Variants in ZSWIM5 observed in about 807,000 individuals in gnomAD.
ZSWIM5 encodes zinc finger SWIM-type containing 5.
In ZSWIM5, 55 loss-of-function variants were observed where a neutral mutation model predicts 119.6. That is an observed-to-expected ratio of 0.46 (90% CI 0.37 to 0.58). The LOEUF is 0.58. Among genes scored for constraint, ZSWIM5 ranks in the 20% least tolerant of loss-of-function variants. The pLI is 0.00. For missense variants in ZSWIM5, 1,193 were observed against 1,512.8 expected, an observed-to-expected ratio of 0.79 and a Z score of 3.51; for synonymous variants, 537 against 606.9, an observed-to-expected ratio of 0.88 and a Z score of 1.69.
chr1:45,205,124 C>CT (rs78531701), intron 1 of ZSWIM5, among the ~76,000 whole-genome samples: 173 of 139,280 alleles, frequency 1.2e-3, no homozygotes, highest in Middle Eastern at 7.2e-3. Flanking sequence ...GATTGTATGG[C>CT]TTTTTTTTTT....
At chr1:45,205,625 C>T in intron 1 of ZSWIM5, 131 bp downstream of exon 1, 1 of 999,036 alleles carries the variant, frequency 1.0e-6, no homozygotes, top group Non-Finnish European at 1.3e-6. Flanking sequence ...GTTTTTGTGA[C>T]TTGTTCGTCC....
chr1:45,191,893 A>G (rs1268493387), intron 1 of ZSWIM5, among the ~76,000 whole-genome samples: 2 of 152,228 alleles, frequency 1.3e-5, no homozygotes. Flanking sequence ...TGAGAGGTAC[A>G]CAACTTTGAA....
At chr1:45,042,980 A>G (rs187826937) in intron 6 of ZSWIM5, among the ~76,000 whole-genome samples, 2 of 152,068 alleles carry the variant, frequency 1.3e-5, no homozygotes, top group East Asian at 3.9e-4. Context: ...AACTCCTTTC[A>G]CCCCCTCAAA....
At chr1:45,138,654 G>C (rs982432309) in intron 1 of ZSWIM5, among the ~76,000 whole-genome samples, 16 of 152,026 alleles carry the variant, frequency 1.1e-4, no homozygotes, top group Admixed American at 5.2e-4. Flanking sequence ...CATTATACAG[G>C]CATGATTAAT....
chr1:45,175,791 T>C (rs1645976878), intron 1 of ZSWIM5, among the ~76,000 whole-genome samples: 1 of 151,746 alleles, frequency 6.6e-6, no homozygotes, highest in Non-Finnish European at 1.5e-5. Flanking sequence ...AACTCATGGG[T>C]TTCTATTTCA....
chr1:45,090,793 T>A (rs538799945), intron 1 of ZSWIM5, among the ~76,000 whole-genome samples: 3 of 151,462 alleles, frequency 2.0e-5, no homozygotes, highest in Admixed American at 6.6e-5. Flanking sequence ...CACTGCACTC[T>A]AGCCTGGGAC....
chr1:45,105,089 T>C (rs964810452), intron 1 of ZSWIM5, among the ~76,000 whole-genome samples: 32 of 152,104 alleles, frequency 2.1e-4, no homozygotes, highest in African/African-American at 7.7e-4. Context: ...GTGCCTGGGA[T>C]GCCAGGCACG....
In ZSWIM5 at chr1:45,127,253, A is replaced by G. The variant is rs117881271; in HGVS notation, c.596-39016T>C. Among the ~76,000 whole-genome samples, 15 of 152,322 alleles carry G rather than the reference A, an allele frequency of 9.8e-5. No homozygotes were observed. In the East Asian group the frequency reaches 2.7e-3, roughly 27 times the overall value. On this transcript the variant is annotated intron_variant, in intron 1 of 13. Coordinates refer to ENST00000359600, the MANE Select transcript of ZSWIM5 (RefSeq NM_020883.2). ...CGCTCCATCATATTAACAGGCTAAA[A>G]AAAAATCACCCAATAATCATATAAT...
At chr1:45,121,802 T>G (rs1278879831) in intron 1 of ZSWIM5, among the ~76,000 whole-genome samples, 3 of 152,188 alleles carry the variant, frequency 2.0e-5, no homozygotes, top group South Asian at 4.2e-4. Context: ...TTGCCCAGTC[T>G]GGTCTAAATG....
chr1:45,115,691 G>A (rs544084908), intron 1 of ZSWIM5, among the ~76,000 whole-genome samples: 11 of 150,246 alleles, frequency 7.3e-5, no homozygotes, highest in South Asian at 2.1e-4. Context: ...CATCCCAGAC[G>A]ATGGGCGGCC....
intron 11 of ZSWIM5, among the ~76,000 whole-genome samples, chr1:45,027,285 T>G (rs1269491964): frequency 6.6e-6 from 1 of 152,090 alleles, no homozygotes; most frequent in Non-Finnish European, 1.5e-5. Flanking sequence ...CTTTCGCTAT[T>G]TTCCCCAATG....
intron 1 of ZSWIM5, among the ~76,000 whole-genome samples, chr1:45,194,469 T>C (rs1646110386): frequency 1.3e-5 from 2 of 152,310 alleles, no homozygotes; most frequent in African/African-American, 4.8e-5. Flanking sequence ...GAAAAAAGGA[T>C]TAATATTTGG....
intron 1 of ZSWIM5, among the ~76,000 whole-genome samples, chr1:45,090,609 AC>A (rs1187108551): frequency 3.9e-5 from 6 of 152,152 alleles, no homozygotes; most frequent in African/African-American, 1.4e-4. Flanking sequence ...AAAATTTGTG[AC>A]CTGACTGCAC....
intron 11 of ZSWIM5, among the ~76,000 whole-genome samples, chr1:45,021,126 C>T (rs568202557): frequency 5.9e-5 from 9 of 152,160 alleles, no homozygotes; most frequent in Middle Eastern, 3.4e-3. Flanking sequence ...AGCTCTGCCT[C>T]CCGGGTTCAC....
intron 2 of ZSWIM5, among the ~76,000 whole-genome samples, chr1:45,085,528 G>GTT (rs771375917): frequency 1.6e-3 from 182 of 112,714 alleles, no homozygotes; most frequent in Middle Eastern, 9.1e-3. Context: ...TAGTTTGTTT[G>GTT]TTTTTTTTTT....
At chr1:45,020,009 A>T in intron 13 of ZSWIM5, 57 bp downstream of exon 13, 8 of 1,461,944 alleles carry the variant, frequency 5.5e-6, no homozygotes, top group Non-Finnish European at 7.7e-6. Context: ...GTCCTGTCCC[A>T]AGAGTAGGGC....
At chr1:45,101,083 A>C (rs1645437068) in intron 1 of ZSWIM5, among the ~76,000 whole-genome samples, 1 of 152,322 alleles carries the variant, frequency 6.6e-6, no homozygotes, top group Admixed American at 6.5e-5. Flanking sequence ...ACAGCAAAAG[A>C]AACTACCATC....
intron 2 of ZSWIM5, among the ~76,000 whole-genome samples, chr1:45,065,385 C>G (rs1461216816): frequency 6.6e-6 from 1 of 152,192 alleles, no homozygotes; most frequent in Non-Finnish European, 1.5e-5. Context: ...CCTTAAACAA[C>G]TGGCTGGAAG....
In ZSWIM5 at chr1:45,035,747, G is replaced by C; in HGVS notation, c.2232C>G (p.Phe744Leu). The change falls in exon 10 of 14, where the codon TTC (phenylalanine) becomes TTG (leucine). Residue 744 changes from phenylalanine (F) to leucine (L), a missense_variant. Physicochemically the swap from Phe to Leu is conservative, Grantham distance 22. This residue lies in a region of ZSWIM5 where 961 missense variants were observed against 1,290.0 expected (regional missense o/e 0.74). Transcript: ENST00000359600. ...VPMHTFAKYL[F>L]SALLPHDPDL... ...CTGGATCATGAGGCAGCAGAGCTGA[G>C]AACAAATACTTGGCAAAGGTATGCA... 1 of 1,613,982 alleles carries C rather than the reference G, an allele frequency of 6.2e-7. No homozygotes were observed.
Sources: gnomAD v4.1 joint callset for allele counts (sites outside exome capture counted in the v4.1 genomes callset) on GRCh38, gnomAD v4.1.1 for gene constraint, gnomAD v4.1.1 regional missense constraint, MANE v1.5 for transcripts, NCBI Gene and HGNC (gene_info 2026-07-23, HGNC 2026-07-21) for gene names.